The following ATP8B4 variants were observed in gnomAD, a reference collection of about 807,000 sequenced individuals.
The protein encoded by ATP8B4 is ATPase phospholipid transporting 8B4 (putative).
In ATP8B4, 133 loss-of-function variants were observed where a neutral mutation model predicts 145.6. The ratio of observed to expected loss-of-function variants is 0.91; its 90% CI spans 0.79 to 1.05. The LOEUF (loss-of-function observed/expected upper bound fraction) is 1.05, where lower values mean the gene tolerates loss of function less well. Ranked by LOEUF, ATP8B4 falls within the 50% of genes least tolerant of loss-of-function variation. ATP8B4 has a pLI of 0.00. For synonymous variants in ATP8B4, 507 were observed against 492.9 expected (o/e 1.03, Z -0.38); for missense variants, 1,458 against 1,425.2 (o/e 1.02, Z -0.37).
At chr15:50,097,758 C>T (rs949596566) in intron 2 of ATP8B4, among the ~76,000 whole-genome samples, 2 of 152,104 alleles carry the variant, frequency 1.3e-5, no homozygotes, top group African/African-American at 4.8e-5. Flanking sequence ...AACTGGACAA[C>T]ACTATTTTTG....
At chr15:50,036,814 T>C (rs1308844573) in intron 6 of ATP8B4, among the ~76,000 whole-genome samples, 1 of 152,144 alleles carries the variant, frequency 6.6e-6, no homozygotes, top group East Asian at 1.9e-4. Flanking sequence ...TTGCCTGATT[T>C]TTCACTGAAT....
intron 1 of ATP8B4, among the ~76,000 whole-genome samples, chr15:50,176,957 T>A (rs1255108526): frequency 2.6e-5 from 4 of 152,148 alleles, no homozygotes; most frequent in Non-Finnish European, 4.4e-5. Flanking sequence ...ACATACCACC[T>A]CCATCAAACC....
intron 25 of ATP8B4, among the ~76,000 whole-genome samples, chr15:49,872,496 G>A (rs1361564568): frequency 6.6e-6 from 1 of 152,148 alleles, no homozygotes; most frequent in African/African-American, 2.4e-5. Context: ...AAACATCATT[G>A]TAAGCAAGTA....
chr15:50,149,335 T>C (rs754347695), intron 1 of ATP8B4, among the ~76,000 whole-genome samples: 43 of 152,230 alleles, frequency 2.8e-4, no homozygotes, highest in Non-Finnish European at 4.4e-4. Context: ...CTAGTATCAC[T>C]GGTAGAGTCT....
At chr15:49,942,781 C>T (rs953214562) in intron 14 of ATP8B4, among the ~76,000 whole-genome samples, 21 of 151,646 alleles carry the variant, frequency 1.4e-4, no homozygotes, top group South Asian at 2.1e-4. Context: ...GCCGAGATCG[C>T]GCCACTGCAC....
At chr15:49,987,101 T>A (rs530414158) in intron 10 of ATP8B4, among the ~76,000 whole-genome samples, 1 of 152,146 alleles carries the variant, frequency 6.6e-6, no homozygotes, top group East Asian at 1.9e-4. Flanking sequence ...TAAGATGGGG[T>A]TAATGAAGAA....
In ATP8B4 at chr15:49,917,089, A is replaced by G. The variant is rs200077730; in HGVS notation, c.2036-50T>C. 1.9e-3 allele frequency: 3,023 copies of G among 1,567,830 alleles called. 4 individuals are homozygous for G. Among genetic ancestry groups the G allele is most frequent in the Non-Finnish European group, 2.2e-3 (2,563 of 1,139,742 alleles). ...AGTTAAAATGTTACTTAATAACCTA[A>G]GTCCATTTTTAATGAAAGTTTTGAG... On this transcript the variant is annotated intron_variant, in intron 19 of 27. Transcript: ENST00000284509.
chr15:49,968,670 T>C (rs998107931), intron 13 of ATP8B4, among the ~76,000 whole-genome samples: 12 of 152,152 alleles, frequency 7.9e-5, no homozygotes, highest in African/African-American at 1.7e-4. Context: ...CACACAATTA[T>C]AGTGGGAGAC....
intron 18 of ATP8B4, among the ~76,000 whole-genome samples, chr15:49,919,805 A>T (rs2040094189): frequency 6.6e-6 from 1 of 152,172 alleles, no homozygotes; most frequent in African/African-American, 2.4e-5. Context: ...TTCAGGTAAG[A>T]GTGGTTTTTA....
chr15:49,937,938 C>T (rs887860960), intron 14 of ATP8B4, among the ~76,000 whole-genome samples: 4 of 152,048 alleles, frequency 2.6e-5, no homozygotes, highest in Non-Finnish European at 4.4e-5. Flanking sequence ...GCTATTCCTG[C>T]CCTCAATGAA....
intron 3 of ATP8B4, among the ~76,000 whole-genome samples, chr15:50,064,533 GAC>G (rs1047936050): frequency 6.6e-6 from 1 of 152,102 alleles, no homozygotes; most frequent in African/African-American, 2.4e-5. Context: ...TCATGCAATA[GAC>G]ACAGATTTAT....
At chr15:50,058,425 C>T (rs1836279493) in intron 3 of ATP8B4, among the ~76,000 whole-genome samples, 1 of 152,074 alleles carries the variant, frequency 6.6e-6, no homozygotes, top group Non-Finnish European at 1.5e-5. Context: ...GGGAACTAGG[C>T]CAAATTTCAA....
chr15:49,877,168 C>CA (rs2034578931), intron 24 of ATP8B4, among the ~76,000 whole-genome samples: 2 of 152,170 alleles, frequency 1.3e-5, no homozygotes, highest in African/African-American at 4.8e-5. Flanking sequence ...GAAGGTGGCA[C>CA]ATTTGACACC....
intron 2 of ATP8B4, among the ~76,000 whole-genome samples, chr15:50,095,026 G>A (rs1329909754): frequency 1.3e-5 from 2 of 152,058 alleles, no homozygotes; most frequent in African/African-American, 4.8e-5. Context: ...AGAAGCCACT[G>A]GAGAAGCCAA....
At chr15:50,161,019 C>T (rs2044510313) in intron 1 of ATP8B4, among the ~76,000 whole-genome samples, 1 of 152,150 alleles carries the variant, frequency 6.6e-6, no homozygotes, top group East Asian at 1.9e-4. Context: ...CTCTTTAGCT[C>T]TAATAACATT....
intron 14 of ATP8B4, among the ~76,000 whole-genome samples, chr15:49,942,818 C>T (rs1361796183): frequency 6.6e-6 from 1 of 151,268 alleles, no homozygotes; most frequent in Non-Finnish European, 1.5e-5. Flanking sequence ...GAGCAAGACT[C>T]CATCTCAAAA....
chr15:50,050,466 C>A (rs955055428), intron 3 of ATP8B4, among the ~76,000 whole-genome samples: 1 of 152,070 alleles, frequency 6.6e-6, no homozygotes, highest in Non-Finnish European at 1.5e-5. Context: ...ATGTATACAT[C>A]TTTCATATTT....
intron 7 of ATP8B4, among the ~76,000 whole-genome samples, chr15:50,005,017 AAAG>A (rs1031089973): frequency 6.6e-6 from 1 of 152,190 alleles, no homozygotes; most frequent in African/African-American, 2.4e-5. Context: ...TAGCAGGAGT[AAAG>A]AAGAGGAAAG....
At chr15:50,011,904 T>A (rs199985210) in intron 6 of ATP8B4, among the ~76,000 whole-genome samples, 2 of 151,216 alleles carry the variant, frequency 1.3e-5, no homozygotes, top group African/African-American at 4.9e-5. Context: ...TTAAAAAAAA[T>A]AACCTAATTT....
Sources: allele counts gnomAD v4.1 joint callset (sites outside exome capture counted in the v4.1 genomes callset), GRCh38; gene constraint gnomAD v4.1.1; transcripts MANE v1.5; gene names NCBI Gene and HGNC (gene_info 2026-07-23, HGNC 2026-07-21).